Variants in EPS8 observed in about 807,000 individuals in gnomAD.
EPS8 encodes the protein EGFR pathway substrate 8, signaling adaptor, also known as epidermal growth factor receptor kinase substrate 8.
In EPS8, 42 loss-of-function variants were observed where a neutral mutation model predicts 103.8. The observed-to-expected ratio is 0.40, with a 90% CI of 0.32 to 0.52. The LOEUF (loss-of-function observed/expected upper bound fraction) is 0.52. Ranked by LOEUF, EPS8 falls within the 20% of genes least tolerant of loss-of-function variation. EPS8 has a pLI of 0.40. For missense variants in EPS8, 969 were observed against 1,005.1 expected, an observed-to-expected ratio of 0.96 and a Z score of 0.49; for synonymous variants, 344 against 344.6, an observed-to-expected ratio of 1.00 and a Z score of 0.02.
intron 1 of EPS8, among the ~76,000 whole-genome samples, chr12:15,729,720 T>C (rs544631571): frequency 2.6e-4 from 40 of 152,356 alleles, no homozygotes; most frequent in Non-Finnish European, 4.7e-4. Flanking sequence ...ATCTTCTCAA[T>C]GTTGGAGATT....
In EPS8 at chr12:15,700,992, A is replaced by T. The variant is rs149102396; in HGVS notation, c.-21-18020T>A. On this transcript the variant is annotated intron_variant, in intron 1 of 20. Coordinates refer to ENST00000281172, the MANE Select transcript of EPS8 (RefSeq NM_004447.6). This position sits in a 1 kb window ranked among gnomAD's most constrained non-coding sequence, Gnocchi z 5.1. The stretch of plus-strand genomic sequence containing the variant: ...AAAATAGTCAAAAATTGGTAATGTA[A>T]GGTATATTATAAAGAATAAACTACT... 1.7e-3 allele frequency among the ~76,000 whole-genome samples: 265 copies of T among 152,284 alleles called. 1 individual carries two copies. Among genetic ancestry groups the T allele is most frequent in the African/African-American group, 5.9e-3 (247 of 41,574 alleles).
At chr12:15,692,170 G>T (rs558718768) in intron 1 of EPS8, among the ~76,000 whole-genome samples, 59 of 151,960 alleles carry the variant, frequency 3.9e-4, no homozygotes, top group Admixed American at 5.9e-4. Context: ...TTTTTATTTT[G>T]GTAGGGCACA....
chr12:15,687,085 G>C (rs1448331259), intron 1 of EPS8, among the ~76,000 whole-genome samples: 1 of 151,686 alleles, frequency 6.6e-6, no homozygotes, highest in Non-Finnish European at 1.5e-5. Flanking sequence ...CCAATACTTT[G>C]TGACATTGTC....
intron 1 of EPS8, among the ~76,000 whole-genome samples, chr12:15,707,078 T>C (rs1946397085): frequency 6.6e-6 from 1 of 152,188 alleles, no homozygotes; most frequent in Non-Finnish European, 1.5e-5. Flanking sequence ...AGTTCTTTCC[T>C]CCATGTGGGA....
In EPS8 at chr12:15,711,542, T is replaced by C. The variant is rs77418326; in HGVS notation, c.-21-28570A>G. 5.5e-4 allele frequency among the ~76,000 whole-genome samples: 83 copies of C among 152,270 alleles called. No individual in the cohort carries two copies. In the East Asian group the frequency reaches 0.015, roughly 27 times the overall value. Reference sequence around the variant, plus strand: ...GGGACAGGTGGATCAGGGAACAAAATATTTTACATACCATTCCAAGAACAT... The same window carrying C: ...GGGACAGGTGGATCAGGGAACAAAACATTTTACATACCATTCCAAGAACAT... On this transcript the variant is annotated intron_variant, in intron 1 of 20. Transcript: ENST00000281172.
chr12:15,775,495 A>G (rs1379791697), intron 1 of EPS8, among the ~76,000 whole-genome samples: 1 of 152,184 alleles, frequency 6.6e-6, no homozygotes, highest in Non-Finnish European at 1.5e-5. Flanking sequence ...TTGGAAATAG[A>G]CTTATTTTAT....
In EPS8 at chr12:15,696,872, A is replaced by G. The variant is rs180822629; in HGVS notation, c.-21-13900T>C. Among the ~76,000 whole-genome samples, 204 of 152,270 alleles carry G rather than the reference A, an allele frequency of 1.3e-3. 1 individual carries two copies. In the Middle Eastern group the frequency reaches 0.014, roughly 10 times the overall value. ...TTATAGTGAATTAATAAGTGAAAAA[A>G]GGTGTTTGGATTAGCAGGGAAGGGA... On this transcript the variant is annotated intron_variant, in intron 1 of 20. Coordinates refer to ENST00000281172, the MANE Select transcript of EPS8 (RefSeq NM_004447.6). This position sits in a 1 kb window ranked among gnomAD's most constrained non-coding sequence, Gnocchi z 4.8.
At position 15,725,217 on chromosome 12, in the gene EPS8, C is replaced by T. The variant is rs1946639475; in HGVS notation, c.-21-42245G>A. Reference sequence around the variant, plus strand: ...TGCTAGATAACTGAAGCAATTTCTACTCGTTTATGGGGACTGTCTGGAATT... The same window carrying T: ...TGCTAGATAACTGAAGCAATTTCTATTCGTTTATGGGGACTGTCTGGAATT... On this transcript the variant is annotated intron_variant, in intron 1 of 20. Transcript: ENST00000281172. The surrounding 1 kb of genome is among the most constrained non-coding windows in gnomAD (Gnocchi z 4.5). Among the ~76,000 whole-genome samples the T allele has an allele frequency of 6.6e-6, 1 of 152,094 alleles. No individual in the cohort carries two copies. Among genetic ancestry groups the T allele is most frequent in the Non-Finnish European group, 1.5e-5 (1 of 68,024 alleles).
intron 9 of EPS8, among the ~76,000 whole-genome samples, chr12:15,661,522 G>C (rs537687488): frequency 3.9e-5 from 6 of 151,950 alleles, no homozygotes; most frequent in Non-Finnish European, 5.9e-5. Flanking sequence ...CTATAATAAA[G>C]CATTTACAGC....
intron 8 of EPS8, 87 bp downstream of exon 8, chr12:15,665,669 C>T: frequency 6.6e-7 from 1 of 1,508,016 alleles, no homozygotes; most frequent in Non-Finnish European, 9.1e-7. Flanking sequence ...AGCTTCAGTT[C>T]TGAAATCAGC....
At chr12:15,742,988 G>A (rs1248122188) in intron 1 of EPS8, among the ~76,000 whole-genome samples, 5 of 152,206 alleles carry the variant, frequency 3.3e-5, no homozygotes, top group Admixed American at 2.6e-4. Context: ...GTTTGCAGAT[G>A]ACATGATTGT....
At chr12:15,646,821 T>C (rs1945326995) in intron 15 of EPS8, among the ~76,000 whole-genome samples, 1 of 152,250 alleles carries the variant, frequency 6.6e-6, no homozygotes, top group Admixed American at 6.5e-5. Context: ...GACCATCTGG[T>C]ACAAACTAAT....
rs1192050766 is a variant in EPS8, at chr12:15,696,136, T to C, written c.-21-13164A>G. Among the ~76,000 whole-genome samples the C allele has an allele frequency of 6.6e-6, 1 of 152,192 alleles. No homozygotes were observed. Among genetic ancestry groups the C allele is most frequent in the Non-Finnish European group, 1.5e-5 (1 of 68,040 alleles). ...TAAAACAAAGAATTTATGCATTTATTGAAAGTGTTTTTAATGTTTCAAGAC... is the reference window on the plus strand; with the variant it reads ...TAAAACAAAGAATTTATGCATTTATCGAAAGTGTTTTTAATGTTTCAAGAC... On this transcript the variant is annotated intron_variant, in intron 1 of 20. Transcript: ENST00000281172. The surrounding 1 kb of genome is among the most constrained non-coding windows in gnomAD (Gnocchi z 4.8).
intron 1 of EPS8, among the ~76,000 whole-genome samples, chr12:15,718,217 T>C (rs1265168348): frequency 6.6e-6 from 1 of 152,146 alleles, no homozygotes; most frequent in African/African-American, 2.4e-5. Flanking sequence ...CTCATTCAGA[T>C]CCAATACCCC....
intron 8 of EPS8, among the ~76,000 whole-genome samples, chr12:15,663,300 C>G (rs1945640173): frequency 6.6e-6 from 1 of 152,048 alleles, no homozygotes; most frequent in Non-Finnish European, 1.5e-5. Context: ...ACTAGGAACC[C>G]TAGTGCCACT....
chr12:15,621,204 T>C lies in EPS8; in HGVS notation c.*113A>G. 2 of 525,592 alleles carry C rather than the reference T, an allele frequency of 3.8e-6. No individual in the cohort carries two copies. The highest frequency in any genetic ancestry group is 3.2e-5 in the South Asian group (1 of 31,180). 32.6% of individuals were successfully genotyped at this position (525,592 alleles called of 1,614,324 possible). On this transcript the variant is annotated 3_prime_UTR_variant, in exon 21 of 21. Transcript: ENST00000281172. ...TCAGGTTTGCATGGGTTTTTTTTTA[T>C]GGTGATAAATTACATCAAGAAAAAT...
intron 1 of EPS8, among the ~76,000 whole-genome samples, chr12:15,786,357 C>T (rs1311684227): frequency 6.6e-6 from 1 of 152,052 alleles, no homozygotes; most frequent in Non-Finnish European, 1.5e-5. Flanking sequence ...CAGTACTCCT[C>T]AAACATCATC....
chr12:15,783,092 T>G (rs1947276296), intron 1 of EPS8, among the ~76,000 whole-genome samples: 1 of 152,198 alleles, frequency 6.6e-6, no homozygotes, highest in Non-Finnish European at 1.5e-5. Flanking sequence ...AATTGCTTGG[T>G]ATGTACCATA....
In EPS8 at chr12:15,623,302, AG is replaced by A; in HGVS notation, c.2226-16del. On this transcript the variant is annotated splice_polypyrimidine_tract_variant and intron_variant, in intron 19 of 20. Coordinates refer to ENST00000281172, the MANE Select transcript of EPS8 (RefSeq NM_004447.6). ...TATTGACAGTCCTAAAAAAAAAAAA[AG>A]GAAAAAGAAACTGAGCATTAAAAAT... The A allele has an allele frequency of 1.9e-6, 3 of 1,552,388 alleles. No individual in the cohort carries two copies. Among genetic ancestry groups the A allele is most frequent in the Admixed American group, 2.0e-5 (1 of 49,244 alleles).
Sources: allele counts gnomAD v4.1 joint callset (sites outside exome capture counted in the v4.1 genomes callset), GRCh38; gene constraint gnomAD v4.1.1; non-coding constraint Gnocchi (gnomAD v3.1); transcripts MANE v1.5; gene names NCBI Gene and HGNC (gene_info 2026-07-23, HGNC 2026-07-21).